Variants in SPOP observed in about 807,000 individuals in gnomAD.
SPOP encodes the protein speckle type BTB/POZ protein.
In SPOP, 11 loss-of-function variants were observed where a neutral mutation model predicts 45.6. The ratio of observed to expected loss-of-function variants is 0.24; its 90% confidence interval spans 0.15 to 0.40. SPOP has a LOEUF of 0.40. Ranked by LOEUF, SPOP falls within the 10% of genes least tolerant of loss-of-function variation. The probability of loss-of-function intolerance (pLI) is 1.00; values close to 1 mark genes in which losing one functional copy is unlikely to be tolerated. For synonymous variants in SPOP, 166 were observed against 166.3 expected, an observed-to-expected ratio of 1.00 and a Z score of 0.01; for missense variants, 152 against 465.6, an observed-to-expected ratio of 0.33 and a Z score of 6.20.
chr17:49,609,615 G>C (rs1036252325), intron 6 of SPOP, among the ~76,000 whole-genome samples: 4 of 152,146 alleles, frequency 2.6e-5, no homozygotes, highest in Admixed American at 6.5e-5. Flanking sequence ...AGGAGTCCTA[G>C]TATATGAACT....
chr17:49,609,378 C>A (rs1451227274), intron 6 of SPOP, among the ~76,000 whole-genome samples: 1 of 152,142 alleles, frequency 6.6e-6, no homozygotes. Context: ...AGACTAAAGG[C>A]CCGGTGCTTT....
At chr17:49,632,000 G>A (rs1392046113) in intron 1 of SPOP, among the ~76,000 whole-genome samples, 1 of 151,970 alleles carries the variant, frequency 6.6e-6, no homozygotes, top group Non-Finnish European at 1.5e-5. Context: ...TTCCCTACTA[G>A]AAGTTAAGCT....
intron 7 of SPOP, 110 bp downstream of exon 7, chr17:49,607,763 TC>T: frequency 1.9e-6 from 2 of 1,045,912 alleles, no homozygotes; most frequent in Non-Finnish European, 2.9e-6. Context: ...GGACTCATAC[TC>T]CATTTTAGTA....
chr17:49,613,894 T>C (rs965108745), intron 5 of SPOP, among the ~76,000 whole-genome samples: 12 of 152,166 alleles, frequency 7.9e-5, no homozygotes, highest in Admixed American at 6.5e-5. Flanking sequence ...GCCTATAAAG[T>C]TGACTGGGGA....
rs1212744009 is a variant in SPOP at position 49,607,307 on chromosome 17, C to T, written c.780G>A (p.Thr260=). ...VFKEMMCFIY[T]GKAPNLDKMA... is the part of the protein sequence containing the mutation. The stretch of plus-strand genomic sequence containing the variant: ...TTTTGTCGAGGTTTGGAGCCTTCCC[C>T]GTGTAAATGAAGCACATCATTTCCT... Residue 260 remains threonine, a synonymous_variant, in exon 8 of 10, where the codon ACG becomes ACA. Coordinates refer to ENST00000504102, the MANE Select transcript of SPOP (RefSeq NM_001007228.2). The T allele has an allele frequency of 1.9e-6, 3 of 1,614,100 alleles. No individual in the cohort carries two copies. Among genetic ancestry groups the T allele is most frequent in the East Asian group, 2.2e-5 (1 of 44,882 alleles).
intron 1 of SPOP, among the ~76,000 whole-genome samples, chr17:49,677,401 T>C (rs1275096586): frequency 6.6e-6 from 1 of 152,224 alleles, no homozygotes; most frequent in Non-Finnish European, 1.5e-5. Context: ...CAGATGAGAA[T>C]AGTGCTTTGT....
At chr17:49,655,371 C>A (rs1354715652) in intron 1 of SPOP, among the ~76,000 whole-genome samples, 3 of 151,968 alleles carry the variant, frequency 2.0e-5, no homozygotes, top group African/African-American at 7.3e-5. Context: ...ATTAGCCTGG[C>A]GTGGTGGCGG....
chr17:49,639,896 T>C (rs1265824721), intron 1 of SPOP, among the ~76,000 whole-genome samples: 1 of 152,206 alleles, frequency 6.6e-6, no homozygotes, highest in Non-Finnish European at 1.5e-5. Context: ...ATTTGCCTTC[T>C]GTAATTAATC....
At chr17:49,625,524 C>T (rs1204610111) in intron 1 of SPOP, among the ~76,000 whole-genome samples, 1 of 152,142 alleles carries the variant, frequency 6.6e-6, no homozygotes, top group Non-Finnish European at 1.5e-5. Flanking sequence ...AGGAGAATCG[C>T]TTGAACCTGG....
chr17:49,637,262 C>A (rs953986615), intron 1 of SPOP, among the ~76,000 whole-genome samples: 1 of 152,102 alleles, frequency 6.6e-6, no homozygotes, highest in Admixed American at 6.6e-5. Context: ...ATTACCATTC[C>A]TTTATCTCAC....
At chr17:49,647,392 A>T (rs1471968750) in intron 1 of SPOP, among the ~76,000 whole-genome samples, 1 of 150,836 alleles carries the variant, frequency 6.6e-6, no homozygotes, top group African/African-American at 2.4e-5. Flanking sequence ...TGGAGACCTC[A>T]GCAAATCATT....
rs1383872445 is a variant in SPOP, at chr17:49,600,402, T to G, written c.1101A>C (p.Pro367=). The G allele has an allele frequency of 6.2e-7, 1 of 1,614,114 alleles. No individual in the cohort carries two copies. The highest frequency in any genetic ancestry group is 8.5e-7 in the Non-Finnish European group (1 of 1,179,998). The part of the protein sequence containing the change: ...ASAQCPFLGP[P]RKRLKQS ...CTTAGGATTGCTTCAGGCGTTTGCG[T>G]GGGGGTCCCAGAAAAGGGCACTGTG... Residue 367 remains proline (P), a synonymous_variant, in exon 10 of 10, where the codon CCA becomes CCC. Coordinates refer to ENST00000504102, the MANE Select transcript of SPOP (RefSeq NM_001007228.2). This position sits in a 1 kb window ranked among gnomAD's most constrained non-coding sequence, Gnocchi z 4.2.
chr17:49,623,504 A>T (rs2072262209), intron 1 of SPOP, among the ~76,000 whole-genome samples: 1 of 152,142 alleles, frequency 6.6e-6, no homozygotes. Context: ...CATCAGACAT[A>T]ACTTGCCATG....
At chr17:49,645,279 A>G (rs946350477) in intron 1 of SPOP, among the ~76,000 whole-genome samples, 1 of 152,064 alleles carries the variant, frequency 6.6e-6, no homozygotes, top group Non-Finnish European at 1.5e-5. Context: ...AAATGTCAAT[A>G]AGAAAGCACA....
rs73333396 is a variant in SPOP at position 49,659,425 on chromosome 17, G to A, written c.-67+18508C>T. On this transcript the variant is annotated intron_variant, in intron 1 of 9. Coordinates refer to ENST00000504102, the MANE Select transcript of SPOP (RefSeq NM_001007228.2). ...TGCTAATGGACGGATCATTCACCTAGGCTTTATATCTCAAAGTTATCTTTC... is the reference window on the plus strand; with the variant it reads ...TGCTAATGGACGGATCATTCACCTAAGCTTTATATCTCAAAGTTATCTTTC... 9.6e-3 allele frequency among the ~76,000 whole-genome samples: 1,462 copies of A among 152,194 alleles called. 24 individuals are homozygous for A. Among genetic ancestry groups the A allele is most frequent in the African/African-American group, 0.033 (1,379 of 41,520 alleles).
intron 1 of SPOP, among the ~76,000 whole-genome samples, chr17:49,634,016 TA>T (rs1189334651): frequency 0.013 from 1,768 of 132,858 alleles, 14 homozygotes; most frequent in Non-Finnish European, 0.019. Flanking sequence ...TCCAGCTGCT[TA>T]AAAAAAAAAA....
At chr17:49,615,936 AG>A (rs2072077034) in intron 5 of SPOP, among the ~76,000 whole-genome samples, 1 of 152,196 alleles carries the variant, frequency 6.6e-6, no homozygotes, top group African/African-American at 2.4e-5. Flanking sequence ...CCTAGCTCAA[AG>A]GATTGTAATA....
At chr17:49,607,790 G>C (rs143915208) in intron 7 of SPOP, 84 bp downstream of exon 7, 2 of 1,338,872 alleles carry the variant, frequency 1.5e-6, no homozygotes, top group African/African-American at 2.9e-5. Context: ...AAAGTAATTA[G>C]GAAAATGAAT....
At chr17:49,621,693 GCTTT>G (rs532171323) in intron 3 of SPOP, among the ~76,000 whole-genome samples, 85 of 152,188 alleles carry the variant, frequency 5.6e-4, no homozygotes, top group African/African-American at 1.7e-3. Context: ...TATAACACTG[GCTTT>G]CTTTATTTAT....
Sources: gnomAD v4.1 joint callset for allele counts (sites outside exome capture counted in the v4.1 genomes callset) on GRCh38, gnomAD v4.1.1 for gene constraint, Gnocchi (gnomAD v3.1) non-coding constraint, MANE v1.5 for transcripts, NCBI Gene and HGNC (gene_info 2026-07-23, HGNC 2026-07-21) for gene names.